The following CYLC1 variants were observed in gnomAD, a reference collection of about 807,000 sequenced individuals.
CYLC1 encodes the protein cylicin-1.
Under a neutral mutation model 31.6 loss-of-function variants are expected in CYLC1, and 2 were observed. The ratio of observed to expected loss-of-function variants is 0.06; its 90% CI spans 0.03 to 0.20. CYLC1 has a LOEUF of 0.20. Among genes scored for constraint, CYLC1 ranks in the 10% least tolerant of loss-of-function variants. The pLI is 1.00. For missense variants in CYLC1, 595 were observed against 424.1 expected (o/e 1.40, Z -3.54); for synonymous variants, 185 against 153.0 (o/e 1.21, Z -1.54).
At chrX:83,864,922 T>C (rs2031571439) in intron 1 of CYLC1, among the ~76,000 whole-genome samples, 1 of 110,796 alleles carries the variant, frequency 9.0e-6, no homozygotes, top group Non-Finnish European at 1.9e-5. Flanking sequence ...CTTTAAATGT[T>C]GAATAGCCTA....
intron 1 of CYLC1, among the ~76,000 whole-genome samples, chrX:83,861,531 T>A (rs1310015798): frequency 8.9e-6 from 1 of 111,868 alleles, no homozygotes; most frequent in African/African-American, 3.2e-5. Flanking sequence ...TAAAGCAGGA[T>A]ACAATGTAGT....
At chrX:83,865,482 A>G (rs2031580379) in intron 1 of CYLC1, among the ~76,000 whole-genome samples, 1 of 112,076 alleles carries the variant, frequency 8.9e-6, no homozygotes, top group East Asian at 2.8e-4. Context: ...TACCTTGATT[A>G]GTTTCATATT....
intron 4 of CYLC1, among the ~76,000 whole-genome samples, chrX:83,877,897 CAAATATATATAAATATAT>C (rs1762057670): frequency 3.0e-5 from 1 of 32,910 alleles, no homozygotes; most frequent in Admixed American, 6.6e-4. Flanking sequence ...TATATATATA[CAAATATATATAAATATAT>C]ATATATATAT....
At chrX:83,871,601 G>T (rs185258122) in intron 3 of CYLC1, 31 bp downstream of exon 3, 1 of 1,143,261 alleles carries the variant, frequency 8.7e-7, no homozygotes, top group African/African-American at 1.8e-5. Flanking sequence ...TTTTAAAAAC[G>T]AAATCTAAGT....
chrX:83,874,829 T>C (rs974887440), intron 4 of CYLC1, among the ~76,000 whole-genome samples, 198 bp downstream of exon 4: 1 of 110,665 alleles, frequency 9.0e-6, no homozygotes, highest in African/African-American at 3.3e-5. Context: ...TTTAAGAGAA[T>C]AGAAATTATT....
Position 83,873,733 on chromosome X carries a change from A to G in CYLC1, c.1025A>G (p.Asp342Gly), listed in dbSNP as rs1018924862. The stretch of plus-strand genomic sequence containing the variant: ...GATGCTGAATCTGGAGACTCAAAGG[A>G]TGAAAGGAAAGATACAAAGAAGGAT... Reference protein sequence around the residue: ...STDAESGDSKDERKDTKKDKK... With the variant: ...STDAESGDSKGERKDTKKDKK... Residue 342 changes from aspartate (D) to glycine (G), a missense_variant, in exon 4 of 5, where the codon GAT becomes GGT. Physicochemically the swap from Asp to Gly is moderately conservative, Grantham distance 94 (BLOSUM62 -1). Coordinates refer to ENST00000329312, the MANE Select transcript of CYLC1 (RefSeq NM_021118.3). 3 of 1,192,529 alleles carry G rather than the reference A, an allele frequency of 2.5e-6. No homozygotes were observed. The highest frequency in any genetic ancestry group is 3.4e-6 in the Non-Finnish European group (3 of 882,705).
chrX:83,881,484 G>T, intron 4 of CYLC1, among the ~76,000 whole-genome samples: 1 of 108,902 alleles, frequency 9.2e-6, no homozygotes, highest in Non-Finnish European at 1.9e-5. Context: ...GCCCATAACA[G>T]TGATGGACTA....
chrX:83,877,895 T>TATAC (rs2031797276), intron 4 of CYLC1, among the ~76,000 whole-genome samples: 1 of 41,936 alleles, frequency 2.4e-5, no homozygotes, highest in Non-Finnish European at 4.6e-5. Context: ...TATATATATA[T>TATAC]ACAAATATAT....
At chrX:83,878,011 T>A (rs1360103299) in intron 4 of CYLC1, among the ~76,000 whole-genome samples, 3 of 66,901 alleles carry the variant, frequency 4.5e-5, no homozygotes, top group African/African-American at 6.1e-5. Context: ...TATAAATATA[T>A]ATATAAAAAT....
chrX:83,875,884 C>G (rs916158423), intron 4 of CYLC1, among the ~76,000 whole-genome samples: 2 of 110,392 alleles, frequency 1.8e-5, no homozygotes, highest in Admixed American at 9.8e-5. Flanking sequence ...GACTGCTGCC[C>G]TCTGACCTGT....
At position 83,877,072 on chromosome X, in the gene CYLC1, C is replaced by T. The variant is rs2031772926; in HGVS notation, c.1923+2441C>T. On this transcript the variant is annotated intron_variant, in intron 4 of 4. Coordinates refer to ENST00000329312, the MANE Select transcript of CYLC1 (RefSeq NM_021118.3). Reference sequence around the variant, plus strand: ...TAACCCCACACTAAATTCTATTCCTCCCTTAGCTGTCTTCATCTTATCAGA... The same window carrying T: ...TAACCCCACACTAAATTCTATTCCTTCCTTAGCTGTCTTCATCTTATCAGA... 2.7e-5 allele frequency among the ~76,000 whole-genome samples: 3 copies of T among 111,036 alleles called. No individual in the cohort carries two copies. In the South Asian group the frequency reaches 1.1e-3, roughly 42 times the overall value.
At chrX:83,876,175 T>C (rs890517937) in intron 4 of CYLC1, among the ~76,000 whole-genome samples, 1 of 110,593 alleles carries the variant, frequency 9.0e-6, no homozygotes, top group African/African-American at 3.3e-5. Flanking sequence ...CTTTTATCAC[T>C]CTCAGAAAGC....
intron 3 of CYLC1, among the ~76,000 whole-genome samples, chrX:83,871,815 A>G (rs2031669056): frequency 9.0e-6 from 1 of 110,888 alleles, no homozygotes; most frequent in Admixed American, 9.6e-5. Context: ...GGCAAGTTCT[A>G]TCAGGACATG....
chrX:83,873,828 T>G lies in CYLC1; in HGVS notation c.1120T>G (p.Ser374Ala). 1.7e-6 allele frequency: 2 copies of G among 1,188,803 alleles called. No individual in the cohort carries two copies. The highest frequency in any genetic ancestry group is 2.3e-6 in the Non-Finnish European group (2 of 878,252). The change falls in exon 4 of 5, where the codon TCA becomes GCA. Residue 374 changes from serine to alanine, a missense_variant. Coordinates refer to ENST00000329312, the MANE Select transcript of CYLC1 (RefSeq NM_021118.3). ...KKYPESTDTE[S>A]GDAKDARNDS... is the part of the protein sequence containing the mutation. The stretch of plus-strand genomic sequence containing the variant: ...GTACCCAGAGTCTACTGATACTGAA[T>G]CAGGAGATGCAAAGGATGCAAGAAA...
chrX:83,874,000 C>T lies in CYLC1; in HGVS notation c.1292C>T (p.Thr431Ile). The T allele has an allele frequency of 8.4e-7, 1 of 1,186,139 alleles. No homozygotes were observed. Among genetic ancestry groups the T allele is most frequent in the Non-Finnish European group, 1.1e-6 (1 of 883,062 alleles). Residue 431 changes from threonine (T) to isoleucine (I), a missense_variant, in exon 4 of 5, where the codon ACA (threonine) becomes ATA (isoleucine). Thr to Ile is a moderately conservative substitution (Grantham distance 89). Coordinates refer to ENST00000329312, the MANE Select transcript of CYLC1 (RefSeq NM_021118.3). The part of the protein sequence containing the change: ...DEKKDKKDSK[T>I]DNKKSVKNDE... ...AAAAAGGATAAAAAAGATTCAAAGA[C>T]AGATAATAAAAAGTCTGTCAAGAAT...
chrX:83,871,316 A>G lies in CYLC1; in HGVS notation c.59-136A>G, dbSNP rs766881278. The G allele has an allele frequency of 7.2e-4, 257 of 358,696 alleles. 2 individuals are homozygous for G. The highest frequency in any genetic ancestry group is 6.5e-3 in the African/African-American group (240 of 36,652). The allele number at this position is 358,696 out of a possible 1,213,427, so 29.6% of individuals were successfully genotyped here. On this transcript the variant is annotated intron_variant, in intron 2 of 4. Transcript: ENST00000329312. ...CTGATTGCTATGCAAATAAACTAGGAACTCTGAGGAAAAAATCTATATTTT... is the reference window on the plus strand; with the variant it reads ...CTGATTGCTATGCAAATAAACTAGGGACTCTGAGGAAAAAATCTATATTTT...
At chrX:83,863,709 A>G (rs1226773486) in intron 1 of CYLC1, among the ~76,000 whole-genome samples, 1 of 111,534 alleles carries the variant, frequency 9.0e-6, no homozygotes, top group East Asian at 2.8e-4. Flanking sequence ...CAGAAAATAT[A>G]ATAGTCTGCA....
intron 1 of CYLC1, among the ~76,000 whole-genome samples, chrX:83,862,874 A>G (rs1318784326): frequency 8.9e-6 from 1 of 111,755 alleles, no homozygotes; most frequent in African/African-American, 3.3e-5. Flanking sequence ...AGAGGGGGTG[A>G]TGTTTTCCTT....
chrX:83,867,059 G>T (rs1336299873), intron 1 of CYLC1, among the ~76,000 whole-genome samples: 1 of 111,467 alleles, frequency 9.0e-6, no homozygotes, highest in Non-Finnish European at 1.9e-5. Flanking sequence ...AGCTGTTTCT[G>T]CCACTATACA....
Sources: allele counts gnomAD v4.1 joint callset (sites outside exome capture counted in the v4.1 genomes callset), GRCh38; gene constraint gnomAD v4.1.1; transcripts MANE v1.5; gene names NCBI Gene and HGNC (gene_info 2026-07-23, HGNC 2026-07-21).